The following LMO7 variants were observed in gnomAD, a reference collection of about 807,000 sequenced individuals.
The protein encoded by LMO7 is LIM domain 7, also known as LIM domain only protein 7.
LMO7 carries 120 observed loss-of-function variants against 206.5 expected under a neutral mutation model. The ratio of observed to expected loss-of-function variants is 0.58; its 90% CI spans 0.50 to 0.68. The LOEUF is 0.68. Ranked by LOEUF, LMO7 falls within the 30% of genes least tolerant of loss-of-function variation. LMO7 has a pLI of 0.00. For synonymous variants in LMO7, 706 were observed against 681.5 expected, an observed-to-expected ratio of 1.04 and a Z score of -0.56; for missense variants, 1,959 against 1,957.9, an observed-to-expected ratio of 1.00 and a Z score of -0.01.
chr13:75,630,072 T>C (rs935908001), intron 2 of LMO7, among the ~76,000 whole-genome samples: 2 of 152,222 alleles, frequency 1.3e-5, no homozygotes, highest in African/African-American at 2.4e-5. Flanking sequence ...ACCTACACAG[T>C]CTTCCCATAT....
chr13:75,857,824 G>A lies in LMO7; in HGVS notation c.4874-97G>A, dbSNP rs570104624. On this transcript the variant is annotated intron_variant, in intron 30 of 30. Coordinates refer to ENST00000377534, the MANE Select transcript of LMO7 (RefSeq NM_001306080.2). Reference sequence around the variant, plus strand: ...ACAGGTTACTCTTTCTACCTCATTGGGCCACTTTCTGAGTGATGACTGCTA... The same window carrying A: ...ACAGGTTACTCTTTCTACCTCATTGAGCCACTTTCTGAGTGATGACTGCTA... 3.3e-5 allele frequency: 24 copies of A among 726,024 alleles called. 1 individual carries two copies. In the South Asian group the frequency reaches 5.0e-4, roughly 15 times the overall value. 45.0% of individuals were successfully genotyped at this position (726,024 alleles called of 1,614,324 possible). A position where few individuals can be genotyped will look rare whatever the true frequency, so the allele number is the denominator to read the frequency against.
intron 3 of LMO7, among the ~76,000 whole-genome samples, chr13:75,737,420 TAC>T (rs1244683061): frequency 6.6e-6 from 1 of 151,734 alleles, no homozygotes; most frequent in Non-Finnish European, 1.5e-5. Context: ...AGGAAATTAA[TAC>T]AGATAGGTAC....
Position 75,801,004 on chromosome 13 carries a change from A to G in LMO7, c.661+122A>G, listed in dbSNP as rs114439332. On this transcript the variant is annotated intron_variant, in intron 7 of 30. Transcript: ENST00000377534. ...ATTTCACTTAGAAGTGGATTTTCAT[A>G]GAGACTGGAGTATAATTGGGGGTTT... 557 of 816,872 alleles carry G rather than the reference A, an allele frequency of 6.8e-4. 1 individual carries two copies. In the African/African-American group the frequency reaches 8.6e-3, roughly 13 times the overall value. 50.6% of individuals were successfully genotyped at this position (816,872 alleles called of 1,614,324 possible).
intron 27 of LMO7, among the ~76,000 whole-genome samples, chr13:75,851,217 A>G (rs2060477596): frequency 6.6e-6 from 1 of 152,230 alleles, no homozygotes; most frequent in Non-Finnish European, 1.5e-5. Flanking sequence ...CAGTCTTATC[A>G]TATGAGCAGA....
chr13:75,732,928 C>T lies in LMO7; in HGVS notation c.210+5830C>T, dbSNP rs189898610. ...GCCTGGGTATCAGCAGCGGTGTCTG[C>T]AGAACAGCTGATTTTCGTGAACCGC... On this transcript the variant is annotated intron_variant, in intron 3 of 30. Coordinates refer to ENST00000377534, the MANE Select transcript of LMO7 (RefSeq NM_001306080.2). Among the ~76,000 whole-genome samples the T allele has an allele frequency of 2.7e-3, 411 of 152,318 alleles. 3 individuals carry two copies. Among genetic ancestry groups the T allele is most frequent in the African/African-American group, 9.7e-3 (403 of 41,578 alleles).
intron 1 of LMO7, among the ~76,000 whole-genome samples, chr13:75,643,355 A>G (rs903109895): frequency 6.6e-6 from 1 of 152,212 alleles, no homozygotes; most frequent in African/African-American, 2.4e-5. Context: ...CAATCCTTTT[A>G]GTTTGGAAGA....
intron 11 of LMO7, among the ~76,000 whole-genome samples, chr13:75,813,301 CCAAA>C (rs895705665): frequency 1.3e-5 from 2 of 152,130 alleles, no homozygotes; most frequent in African/African-American, 4.8e-5. Context: ...TTGGGAGATC[CCAAA>C]CAATCATGTT....
chr13:75,706,465 T>A (rs772103146), intron 1 of LMO7, among the ~76,000 whole-genome samples: 2 of 152,220 alleles, frequency 1.3e-5, no homozygotes, highest in Non-Finnish European at 2.9e-5. Context: ...GTAGCTAGTA[T>A]GTGCAGTACA....
rs2047444715 is a variant in LMO7, at chr13:75,753,571, G to A, written c.211-7361G>A. Among the ~76,000 whole-genome samples, 3 of 152,102 alleles carry A rather than the reference G, an allele frequency of 2.0e-5. No homozygotes were observed. The South Asian group carries it at 6.2e-4, about 32-fold the overall frequency. On this transcript the variant is annotated intron_variant, in intron 3 of 30. Coordinates refer to ENST00000377534, the MANE Select transcript of LMO7 (RefSeq NM_001306080.2). ...TCCCCAGGTGTCGTGGGAAGGACCT[G>A]GTGGGAGGTAATTGAATCATGGGGG...
At chr13:75,842,065 TC>T in intron 24 of LMO7, 82 bp downstream of exon 24, 2 of 1,000,904 alleles carry the variant, frequency 2.0e-6, no homozygotes, top group Middle Eastern at 3.3e-4. Context: ...TCTTCCTGTT[TC>T]CTACCACCCA....
At chr13:75,635,144 G>T (rs1458854147), upstream of LMO7, among the ~76,000 whole-genome samples, 1 of 152,134 alleles carries the variant, frequency 6.6e-6, no homozygotes, top group Non-Finnish European at 1.5e-5. Flanking sequence ...AAATACAGAC[G>T]CTAGGTTTTA....
At chr13:75,690,656 C>T (rs1229970407) in intron 1 of LMO7, among the ~76,000 whole-genome samples, 2 of 152,278 alleles carry the variant, frequency 1.3e-5, no homozygotes, top group African/African-American at 4.8e-5. Context: ...AAGAACTCCC[C>T]TTGTAAGTGA....
chr13:75,781,104 T>TTTTTTTTGC, intron 4 of LMO7, among the ~76,000 whole-genome samples: 1 of 112,474 alleles, frequency 8.9e-6, no homozygotes, highest in Non-Finnish European at 2.2e-5. Context: ...TCCTTTTTTT[T>TTTTTTTTGC]TTTTTTTTTT....
chr13:75,824,695 A>T (rs1447071103), intron 15 of LMO7, among the ~76,000 whole-genome samples: 1 of 152,128 alleles, frequency 6.6e-6, no homozygotes, highest in Non-Finnish European at 1.5e-5. Flanking sequence ...TTAGCATGGA[A>T]GAGCTTTTGT....
At chr13:75,729,802 A>T (rs1310492657) in intron 3 of LMO7, among the ~76,000 whole-genome samples, 2 of 150,584 alleles carry the variant, frequency 1.3e-5, no homozygotes, top group Admixed American at 6.6e-5. Context: ...GATATGTCCC[A>T]TCAATACCTA....
chr13:75,768,288 CTT>C (rs1378532838), intron 4 of LMO7, among the ~76,000 whole-genome samples: 1 of 152,062 alleles, frequency 6.6e-6, no homozygotes, highest in Admixed American at 6.6e-5. Context: ...CCATTTAAAA[CTT>C]ATCCCTTTTC....
upstream of LMO7, chr13:75,631,783 C>T (rs1008445801): frequency 6.6e-6 from 1 of 152,340 alleles, no homozygotes; most frequent in African/African-American, 2.4e-5. Flanking sequence ...TATCTGTTGA[C>T]CACACTCTCC....
At chr13:75,663,109 T>C (rs1442148506) in intron 1 of LMO7, among the ~76,000 whole-genome samples, 1 of 152,054 alleles carries the variant, frequency 6.6e-6, no homozygotes. Context: ...TTGTAGTTGC[T>C]AATTAAATGT....
At position 75,781,762 on chromosome 13, in the gene LMO7, T is replaced by A. The variant is rs553391685; in HGVS notation, c.318-13639T>A. Among the ~76,000 whole-genome samples the A allele has an allele frequency of 3.9e-3, 599 of 152,282 alleles. 6 individuals are homozygous for A. Among genetic ancestry groups the A allele is most frequent in the African/African-American group, 0.014 (571 of 41,566 alleles). ...CCCATCAACAGTGTAAAAGTGTTCC[T>A]ATTTCTCCACATCCTCTCCAGCACC... On this transcript the variant is annotated intron_variant, in intron 4 of 30. Coordinates refer to ENST00000377534, the MANE Select transcript of LMO7 (RefSeq NM_001306080.2).
Sources: gnomAD v4.1 joint callset for allele counts (sites outside exome capture counted in the v4.1 genomes callset) on GRCh38, gnomAD v4.1.1 for gene constraint, MANE v1.5 for transcripts, NCBI Gene and HGNC (gene_info 2026-07-23, HGNC 2026-07-21) for gene names.